MFSD11: variants seen among roughly 807,000 people sequenced by gnomAD.
The protein encoded by MFSD11 is major facilitator superfamily domain containing 11.
A neutral mutation model predicts 53.5 loss-of-function variants in MFSD11; 36 were observed. That is an observed-to-expected ratio of 0.67 (90% CI 0.52 to 0.89). The LOEUF (loss-of-function observed/expected upper bound fraction) is 0.89. MFSD11 is among the 40% of genes least tolerant of loss of function. The pLI is 0.00. For missense variants in MFSD11, 530 were observed against 543.9 expected (o/e 0.97, Z 0.25); for synonymous variants, 186 against 184.9 (o/e 1.01, Z -0.05).
chr17:76,753,281 A>G (rs2079227557), intron 7 of MFSD11, among the ~76,000 whole-genome samples: 1 of 152,226 alleles, frequency 6.6e-6, no homozygotes, highest in Non-Finnish European at 1.5e-5. Context: ...GATGCAGAAA[A>G]TAACAAAAGT....
chr17:76,771,940 G>T (rs2081401150), intron 10 of MFSD11, among the ~76,000 whole-genome samples: 1 of 152,102 alleles, frequency 6.6e-6, no homozygotes, highest in Non-Finnish European at 1.5e-5. Context: ...GGACTCGTGG[G>T]CTGGAGGTTG....
chr17:76,753,676 C>T (rs1241816606), intron 7 of MFSD11, among the ~76,000 whole-genome samples: 5 of 105,230 alleles, frequency 4.8e-5, no homozygotes, highest in South Asian at 3.5e-4. Context: ...AGGTGGAGTG[C>T]GACCCTGTCT....
Position 76,778,466 on chromosome 17 carries a change from A to C in MFSD11, c.*114A>C. 1 of 1,060,028 alleles carries C rather than the reference A, an allele frequency of 9.4e-7. No homozygotes were observed. The highest frequency in any genetic ancestry group is 1.6e-5 in the African/African-American group (1 of 63,484). 65.7% of individuals were successfully genotyped at this position (1,060,028 alleles called of 1,614,324 possible). A position where few individuals can be genotyped will look rare whatever the true frequency, so the allele number is the denominator to read the frequency against. On this transcript the variant is annotated 3_prime_UTR_variant, in exon 13 of 13. Transcript: ENST00000685175. ...ATATTGGGTGATGTTCAGTATGGAA[A>C]ATCAAGGGATTAAGACTGTTAAATC...
At chr17:76,798,223 G>A in the MFSD11 span, among the ~76,000 whole-genome samples, 2 of 152,074 alleles carry the variant, frequency 1.3e-5, no homozygotes, top group East Asian at 1.9e-4. Context: ...CCAGTTTATT[G>A]TAGAGGATAC....
rs550670741 is a variant in MFSD11 at position 76,777,006 on chromosome 17, A to G, written c.1185+465A>G. 4.2e-3 allele frequency among the ~76,000 whole-genome samples: 644 copies of G among 151,700 alleles called. 11 individuals are homozygous for G. The highest frequency in any genetic ancestry group is 6.4e-3 in the Non-Finnish European group (436 of 67,890). ...ACAAAGTCGGCCCGCCGCGGCTCAC[A>G]CTTGTAATCCCAGCACTTTGGGAGG... On this transcript the variant is annotated intron_variant, in intron 12 of 12. Coordinates refer to ENST00000685175, the MANE Select transcript of MFSD11 (RefSeq NM_001242532.5).
intron 7 of MFSD11, among the ~76,000 whole-genome samples, chr17:76,745,748 C>T (rs2078476368): frequency 6.6e-6 from 1 of 152,154 alleles, no homozygotes; most frequent in Admixed American, 6.5e-5. Flanking sequence ...AGTTAATGAC[C>T]CTACAATAGC....
At chr17:76,760,613 C>T (rs1331050136) in intron 8 of MFSD11, among the ~76,000 whole-genome samples, 2 of 151,992 alleles carry the variant, frequency 1.3e-5, no homozygotes, top group Non-Finnish European at 1.5e-5. Flanking sequence ...TCACTGCAAC[C>T]TCCACCTCTT....
chr17:76,738,942 CTG>C lies in MFSD11; in HGVS notation c.103_104del (p.Val35HisfsTer6), dbSNP rs772704259. On this transcript the variant is annotated frameshift_variant, in exon 2 of 13. Coordinates refer to ENST00000685175, the MANE Select transcript of MFSD11 (RefSeq NM_001242532.5). LOFTEE classifies it high-confidence loss of function. ...TTAGTTTTATCTTCCACACAGCAAA[CTG>C]TCATCAGGAGCTTAAATAGGACAGA... 1.9e-5 allele frequency: 30 copies of C among 1,613,748 alleles called. No homozygotes were observed. Among genetic ancestry groups the C allele is most frequent in the Non-Finnish European group, 2.2e-5 (26 of 1,179,738 alleles).
chr17:76,771,389 G>A (rs946158188), intron 10 of MFSD11, among the ~76,000 whole-genome samples: 7 of 152,352 alleles, frequency 4.6e-5, no homozygotes, highest in Non-Finnish European at 7.3e-5. Flanking sequence ...GTTCAACAAA[G>A]ATTTGTTCAG....
intron 10 of MFSD11, among the ~76,000 whole-genome samples, chr17:76,773,726 G>A (rs1293133482): frequency 2.0e-5 from 3 of 152,058 alleles, no homozygotes; most frequent in East Asian, 3.9e-4. Flanking sequence ...TCCTGCTTCA[G>A]CCTCCTGAGT....
At chr17:76,782,914 C>T (rs1464613357), downstream of MFSD11, among the ~76,000 whole-genome samples, 1 of 151,926 alleles carries the variant, frequency 6.6e-6, no homozygotes, top group Non-Finnish European at 1.5e-5. Context: ...CACGGTGGCT[C>T]ACGCCTATAA....
intron 8 of MFSD11, among the ~76,000 whole-genome samples, chr17:76,763,524 A>G (rs562068923): frequency 7.6e-4 from 116 of 152,146 alleles, no homozygotes; most frequent in African/African-American, 2.3e-3. Context: ...TCAGCCTCCC[A>G]AAGTGCTGGG....
Position 76,760,796 on chromosome 17 carries a change from T to G in MFSD11, c.683-6590T>G, listed in dbSNP as rs569647215. On this transcript the variant is annotated intron_variant, in intron 8 of 12. Coordinates refer to ENST00000685175, the MANE Select transcript of MFSD11 (RefSeq NM_001242532.5). ...TCTGTTCACCTTCGCCTCCCAAAGT[T>G]CTGGGTTATAGGCGTGAGCCACTGT... Among the ~76,000 whole-genome samples the G allele has an allele frequency of 7.9e-4, 120 of 152,202 alleles. No individual in the cohort carries two copies. The South Asian group carries it at 0.013, about 16-fold the overall frequency.
intron 7 of MFSD11, among the ~76,000 whole-genome samples, chr17:76,750,258 A>G (rs2078938722): frequency 6.6e-6 from 1 of 152,148 alleles, no homozygotes; most frequent in African/African-American, 2.4e-5. Flanking sequence ...GTACTACCAA[A>G]TGATGGCATC....
rs1430902223 is a variant in MFSD11, at chr17:76,775,200, T to C, written c.1049+29T>C. 3.7e-6 allele frequency: 6 copies of C among 1,607,696 alleles called. No homozygotes were observed. In the African/African-American group the frequency reaches 4.0e-5, roughly 11 times the overall value. On this transcript the variant is annotated intron_variant, in intron 11 of 12. Transcript: ENST00000685175. ...TAGTGGCTGTCATTTCTCTAGTCGC[T>C]TGAGTACGGGTGGGAGGTAACGGAT...
the MFSD11 span, among the ~76,000 whole-genome samples, chr17:76,790,467 G>A: frequency 0.019 from 2,677 of 143,316 alleles, 193 homozygotes; most frequent in African/African-American, 0.068. Flanking sequence ...TCAGCCTCCC[G>A]AGTAGCTGGA....
chr17:76,772,452 A>G (rs1453682612), intron 10 of MFSD11, among the ~76,000 whole-genome samples: 5 of 151,858 alleles, frequency 3.3e-5, no homozygotes, highest in African/African-American at 4.8e-5. Flanking sequence ...TAAAAATAGT[A>G]CAATGAACAT....
intron 8 of MFSD11, among the ~76,000 whole-genome samples, chr17:76,760,373 A>G (rs2080100131): frequency 6.6e-6 from 1 of 151,876 alleles, no homozygotes; most frequent in Admixed American, 6.6e-5. Flanking sequence ...TCATCATCAC[A>G]TTGAGAAGGA....
intron 8 of MFSD11, among the ~76,000 whole-genome samples, chr17:76,758,305 C>G (rs2079849699): frequency 2.3e-5 from 1 of 43,104 alleles, no homozygotes; most frequent in Admixed American, 3.3e-4. Context: ...TGAGGCTGGG[C>G]ACAGTGGTTC....
Sources: allele counts gnomAD v4.1 joint callset (sites outside exome capture counted in the v4.1 genomes callset), GRCh38; gene constraint gnomAD v4.1.1; transcripts MANE v1.5; gene names NCBI Gene and HGNC (gene_info 2026-07-23, HGNC 2026-07-21).